The following TNFRSF9 variants were observed in gnomAD, a reference collection of about 807,000 sequenced individuals.
TNFRSF9 encodes the protein tumor necrosis factor receptor superfamily member 9.
In TNFRSF9, 16 loss-of-function variants were observed where a neutral mutation model predicts 28.8. The ratio of observed to expected loss-of-function variants is 0.55; its 90% CI spans 0.38 to 0.84. TNFRSF9 has a LOEUF of 0.84. TNFRSF9 is among the 40% of genes least tolerant of loss of function. The pLI, the probability that TNFRSF9 is intolerant of heterozygous loss-of-function variation, is 0.00. For synonymous variants in TNFRSF9, 131 were observed against 117.0 expected (o/e 1.12, Z -0.77); for missense variants, 303 against 315.0 (o/e 0.96, Z 0.29).
intron 7 of TNFRSF9, 33 bp from the exon 8 acceptor site, chr1:7,920,956 G>A (rs200110993): frequency 4.1e-6 from 6 of 1,450,030 alleles, no homozygotes; most frequent in Non-Finnish European, 5.8e-6. Flanking sequence ...CGTATATTTT[G>A]TTGTCTATTT....
rs1053203892 is a variant in TNFRSF9, at chr1:7,918,535, T to A, written c.*2300A>T. 6 of 151,996 alleles carry A rather than the reference T, an allele frequency of 3.9e-5. No individual in the cohort carries two copies. Among genetic ancestry groups the A allele is most frequent in the African/African-American group, 1.4e-4 (6 of 41,380 alleles). 9.4% of individuals were successfully genotyped at this position (151,996 alleles called of 1,614,324 possible). A position where few individuals can be genotyped will look rare whatever the true frequency, so the allele number is the denominator to read the frequency against. On this transcript the variant is annotated 3_prime_UTR_variant, in exon 8 of 8. Coordinates refer to ENST00000377507, the MANE Select transcript of TNFRSF9 (RefSeq NM_001561.6). ...GTGCACACCACCACACCCGGCTAAT[T>A]TTTGTATTTTTTGTAAAGACAGGGT...
intron 7 of TNFRSF9, among the ~76,000 whole-genome samples, chr1:7,928,504 C>A (rs1343765104): frequency 6.6e-6 from 1 of 152,204 alleles, no homozygotes; most frequent in Non-Finnish European, 1.5e-5. Context: ...GGATGGATAT[C>A]AAGGGCATTG....
intron 6 of TNFRSF9, among the ~76,000 whole-genome samples, chr1:7,933,629 A>C (rs1212395391): frequency 6.6e-6 from 1 of 152,052 alleles, no homozygotes; most frequent in African/African-American, 2.4e-5. Context: ...CGGGAGGCGG[A>C]GGTTGCAGTG....
chr1:7,929,855 T>C (rs1002628517), intron 7 of TNFRSF9, among the ~76,000 whole-genome samples: 2 of 152,170 alleles, frequency 1.3e-5, no homozygotes, highest in African/African-American at 4.8e-5. Context: ...TGCTTTGCCA[T>C]TGTACTGGAG....
intron 7 of TNFRSF9, among the ~76,000 whole-genome samples, chr1:7,924,405 T>C (rs1639608870): frequency 6.7e-6 from 1 of 150,140 alleles, no homozygotes; most frequent in African/African-American, 2.5e-5. Context: ...GGCAGGTGGA[T>C]TGCCTGAGCT....
intron 5 of TNFRSF9, among the ~76,000 whole-genome samples, chr1:7,935,365 T>G (rs1342506532): frequency 6.6e-6 from 1 of 152,202 alleles, no homozygotes; most frequent in Non-Finnish European, 1.5e-5. Flanking sequence ...CTTAGTTCAG[T>G]CTGTCTTGCC....
intron 2 of TNFRSF9, among the ~76,000 whole-genome samples, chr1:7,939,620 T>A (rs1432830905): frequency 6.6e-6 from 1 of 152,206 alleles, no homozygotes; most frequent in Non-Finnish European, 1.5e-5. Context: ...TCTTGCCTTG[T>A]GCCATGCACT....
intron 7 of TNFRSF9, among the ~76,000 whole-genome samples, chr1:7,928,424 T>C (rs1239137536): frequency 6.6e-6 from 1 of 152,136 alleles, no homozygotes; most frequent in Non-Finnish European, 1.5e-5. Flanking sequence ...AAACAAACTG[T>C]GGCACAAGCA....
rs1639518789 is a variant in TNFRSF9 at position 7,918,919 on chromosome 1, T to G, written c.*1916A>C. On this transcript the variant is annotated 3_prime_UTR_variant, in exon 8 of 8. Transcript: ENST00000377507. ...ACTTATATGACTGACGGGAGTACAT[T>G]AGAACAGCCACTTTGAAAAGCAATT... The G allele has an allele frequency of 6.6e-6, 1 of 152,180 alleles. No individual in the cohort carries two copies. Among genetic ancestry groups the G allele is most frequent in the East Asian group, 1.9e-4 (1 of 5,196 alleles). 9.4% of individuals were successfully genotyped at this position (152,180 alleles called of 1,614,324 possible).
At chr1:7,929,986 TG>T (rs1191690773) in intron 7 of TNFRSF9, among the ~76,000 whole-genome samples, 2 of 150,334 alleles carry the variant, frequency 1.3e-5, no homozygotes, top group African/African-American at 2.4e-5. Context: ...TTTTTTTTTT[TG>T]AGACGGAGTT....
chr1:7,940,091 A>G lies in TNFRSF9; in HGVS notation c.-84-13T>C, dbSNP rs538625801. On this transcript the variant is annotated splice_polypyrimidine_tract_variant and intron_variant, in intron 1 of 7. Transcript: ENST00000377507. The stretch of plus-strand genomic sequence containing the variant: ...CACAAATGTCACTCTGCAAAAGATA[A>G]ACATTTCCAAGGAAAGGTGGTTTCT... 2.3e-4 allele frequency: 187 copies of G among 812,508 alleles called. No homozygotes were observed. The South Asian group carries it at 3.6e-3, about 16-fold the overall frequency. 50.3% of individuals were successfully genotyped at this position (812,508 alleles called of 1,614,324 possible).
chr1:7,926,596 T>A (rs1216867953), intron 7 of TNFRSF9, among the ~76,000 whole-genome samples: 3 of 152,118 alleles, frequency 2.0e-5, no homozygotes, highest in African/African-American at 7.2e-5. Context: ...TATGTGGAAA[T>A]GCAAAGGAAC....
At chr1:7,936,123 A>C (rs971791375) in intron 5 of TNFRSF9, among the ~76,000 whole-genome samples, 15 of 152,148 alleles carry the variant, frequency 9.9e-5, no homozygotes, top group Non-Finnish European at 2.1e-4. Context: ...TTTTTTAAAA[A>C]GCCACTTTCC....
In TNFRSF9 at chr1:7,919,361, A is replaced by G. The variant is rs1639525616; in HGVS notation, c.*1474T>C. 1 of 152,164 alleles carries G rather than the reference A, an allele frequency of 6.6e-6. No homozygotes were observed. 9.4% of individuals were successfully genotyped at this position (152,164 alleles called of 1,614,324 possible). On this transcript the variant is annotated 3_prime_UTR_variant, in exon 8 of 8. Transcript: ENST00000377507. ...CGTCTCTACTAAAAATATAAAAATT[A>G]GCCAGGCGTGGTGGCACATACCTGT...
At chr1:7,934,591 C>T (rs909531932) in intron 6 of TNFRSF9, among the ~76,000 whole-genome samples, 13 of 151,876 alleles carry the variant, frequency 8.6e-5, no homozygotes, top group African/African-American at 3.1e-4. Context: ...TGCCTATAAT[C>T]CCAGCTACTT....
intron 5 of TNFRSF9, among the ~76,000 whole-genome samples, chr1:7,936,087 C>T (rs1639811537): frequency 6.6e-6 from 1 of 152,146 alleles, no homozygotes; most frequent in African/African-American, 2.4e-5. Context: ...CACTTAACAA[C>T]TCTGAAAAAT....
Position 7,935,088 on chromosome 1 carries a change from C to T in TNFRSF9, c.469G>A (p.Val157Ile), listed in dbSNP as rs746495011. ...AGGTCGGCTGGAGATGGTCCACAGA[C>T]CACGTCCCTCTCCTTCGTCCCATTC... ...LVNGTKERDV[V>I]CGPSPADLSP... The change falls in exon 6 of 8, where the codon GTC becomes ATC. Residue 157 changes from valine to isoleucine, a missense_variant. Val to Ile is a conservative substitution (Grantham distance 29). Coordinates refer to ENST00000377507, the MANE Select transcript of TNFRSF9 (RefSeq NM_001561.6). 4 of 1,614,228 alleles carry T rather than the reference C, an allele frequency of 2.5e-6. No homozygotes were observed. Among genetic ancestry groups the T allele is most frequent in the Admixed American group, 1.7e-5 (1 of 60,028 alleles).
At chr1:7,928,514 G>T (rs1639686684) in intron 7 of TNFRSF9, among the ~76,000 whole-genome samples, 1 of 152,222 alleles carries the variant, frequency 6.6e-6, no homozygotes, top group Non-Finnish European at 1.5e-5. Context: ...CAAGGGCATT[G>T]TGCTGAGTGA....
chr1:7,928,791 A>G (rs966515946), intron 7 of TNFRSF9, among the ~76,000 whole-genome samples: 3 of 152,172 alleles, frequency 2.0e-5, no homozygotes, highest in Non-Finnish European at 4.4e-5. Context: ...AGGCACGAAA[A>G]TCGCTGGAAC....
Sources: gnomAD v4.1 joint callset for allele counts (sites outside exome capture counted in the v4.1 genomes callset) on GRCh38, gnomAD v4.1.1 for gene constraint, MANE v1.5 for transcripts, NCBI Gene and HGNC (gene_info 2026-07-23, HGNC 2026-07-21) for gene names.